The following TUSC3 variants were observed in gnomAD, a reference collection of about 807,000 sequenced individuals.
TUSC3 encodes dolichyl-diphosphooligosaccharide--protein glycosyltransferase subunit TUSC3.
In TUSC3, 45 loss-of-function variants were observed where a neutral mutation model predicts 44.8. The ratio of observed to expected loss-of-function variants is 1.00; its 90% confidence interval spans 0.79 to 1.29. TUSC3 has a LOEUF of 1.29. TUSC3 is among the 50% of genes most tolerant of loss of function. The pLI is 0.00. For missense variants in TUSC3, 519 were observed against 437.9 expected, an observed-to-expected ratio of 1.19 and a Z score of -1.65; for synonymous variants, 212 against 152.9, an observed-to-expected ratio of 1.39 and a Z score of -2.85.
rs77762534 is a variant in TUSC3 at position 15,486,229 on chromosome 8, C to T, written n.189+2746C>T. 8.4e-3 allele frequency among the ~76,000 whole-genome samples: 1,280 copies of T among 152,092 alleles called. 29 individuals are homozygous for T. Among genetic ancestry groups the T allele is most frequent in the African/African-American group, 0.029 (1,212 of 41,478 alleles). ...TGCAGCTATTTGTCAACTGTAAAGC[C>T]GGCTATAATAAGTCTGTACTTTAGG... is the stretch of plus-strand genomic sequence containing the variant. On this transcript the variant is annotated intron_variant and non_coding_transcript_variant, in intron 2 of 5. Coordinates refer to the TUSC3 transcript ENST00000503191.
At chr8:15,484,215 T>A (rs1800706109) in intron 2 of TUSC3, among the ~76,000 whole-genome samples, 1 of 152,220 alleles carries the variant, frequency 6.6e-6, no homozygotes, top group African/African-American at 2.4e-5. Flanking sequence ...TATGCAACCA[T>A]AAATTTGCTA....
the TUSC3 span, among the ~76,000 whole-genome samples, chr8:15,829,163 C>T: frequency 2.6e-5 from 4 of 152,076 alleles, no homozygotes; most frequent in Admixed American, 2.6e-4. Context: ...GGTGTATGTA[C>T]TGCAACTTAT....
intron 2 of TUSC3, among the ~76,000 whole-genome samples, chr8:15,649,793 C>G (rs75156156): frequency 0.025 from 3,857 of 152,200 alleles, 59 homozygotes; most frequent in Non-Finnish European, 0.038. Flanking sequence ...GCTGCTGACT[C>G]TGCTCCAAGT....
the TUSC3 span, among the ~76,000 whole-genome samples, chr8:15,835,458 T>C: frequency 6.6e-6 from 1 of 152,188 alleles, no homozygotes; most frequent in African/African-American, 2.4e-5. Flanking sequence ...TTTATGTTTA[T>C]TTGCTAGTTT....
At chr8:15,651,019 AC>A (rs1806879703) in intron 3 of TUSC3, 4 of 542,974 alleles carry the variant, frequency 7.4e-6, no homozygotes, top group South Asian at 4.0e-5. Context: ...ACACACACAC[AC>A]ACAAATACAA....
chr8:15,608,245 C>T (rs1804616212), intron 1 of TUSC3, among the ~76,000 whole-genome samples: 1 of 151,880 alleles, frequency 6.6e-6, no homozygotes, highest in Admixed American at 6.6e-5. Flanking sequence ...TATATTTTAT[C>T]CTCAAGAGGT....
At chr8:15,529,145 G>A (rs560595991) in intron 2 of TUSC3, among the ~76,000 whole-genome samples, 7 of 152,124 alleles carry the variant, frequency 4.6e-5, no homozygotes, top group East Asian at 3.9e-4. Context: ...TTAAATATCC[G>A]AAGCACAAAC....
At chr8:15,608,960 A>T (rs1295061678) in intron 1 of TUSC3, among the ~76,000 whole-genome samples, 1 of 152,212 alleles carries the variant, frequency 6.6e-6, no homozygotes, top group African/African-American at 2.4e-5. Context: ...TTTGGAAGAA[A>T]CTTGGTAGAA....
chr8:15,718,976 G>C (rs1022546022), intron 6 of TUSC3, among the ~76,000 whole-genome samples: 2 of 151,902 alleles, frequency 1.3e-5, no homozygotes, highest in Admixed American at 6.6e-5. Context: ...TTCAGGATCA[G>C]ATCACTTCTT....
intron 1 of TUSC3, among the ~76,000 whole-genome samples, chr8:15,595,061 T>C (rs1300808552): frequency 2.6e-5 from 4 of 152,156 alleles, no homozygotes; most frequent in Non-Finnish European, 1.5e-5. Flanking sequence ...GAACAGAACT[T>C]GGGCTATTCC....
the TUSC3 span, among the ~76,000 whole-genome samples, chr8:15,843,301 G>A: frequency 6.6e-6 from 1 of 151,978 alleles, no homozygotes; most frequent in Admixed American, 6.6e-5. Context: ...AAAGTTTTTG[G>A]GTCAGATACG....
chr8:15,445,537 T>C (rs1312089718), intron 1 of TUSC3, among the ~76,000 whole-genome samples: 1 of 152,168 alleles, frequency 6.6e-6, no homozygotes, highest in Non-Finnish European at 1.5e-5. Flanking sequence ...GCATGCTGCC[T>C]TCAAGCATCT....
At chr8:15,847,522 G>C in the TUSC3 span, among the ~76,000 whole-genome samples, 1 of 152,058 alleles carries the variant, frequency 6.6e-6, no homozygotes, top group Non-Finnish European at 1.5e-5. Flanking sequence ...ACGCAAATAC[G>C]TTCTACCTAG....
chr8:15,561,493 A>G (rs1202680104), intron 1 of TUSC3: 1 of 146,954 alleles, frequency 6.8e-6, no homozygotes, highest in Non-Finnish European at 1.5e-5. Flanking sequence ...TGGAGCCTAC[A>G]GAGGCAGGCA....
At chr8:15,572,259 G>A (rs555379655) in intron 1 of TUSC3, among the ~76,000 whole-genome samples, 1 of 152,276 alleles carries the variant, frequency 6.6e-6, no homozygotes, top group South Asian at 2.1e-4. Context: ...ATAAACACTT[G>A]CTGCTTCATC....
At chr8:15,503,044 T>C (rs114016798) in intron 2 of TUSC3, among the ~76,000 whole-genome samples, 3,798 of 152,282 alleles carry the variant, frequency 0.025, 169 homozygotes, top group African/African-American at 0.087. Flanking sequence ...GTGAAACCAG[T>C]TACGGGTTTA....
At chr8:15,796,118 G>C in the TUSC3 span, among the ~76,000 whole-genome samples, 4 of 152,174 alleles carry the variant, frequency 2.6e-5, no homozygotes, top group Non-Finnish European at 5.9e-5. Context: ...CTCTGCATCA[G>C]AAATACAGGG....
chr8:15,564,842 A>G (rs1206248604), intron 1 of TUSC3, among the ~76,000 whole-genome samples: 1 of 152,014 alleles, frequency 6.6e-6, no homozygotes, highest in Non-Finnish European at 1.5e-5. Flanking sequence ...TGTTTGCATC[A>G]CAAGCTTCCC....
At chr8:15,849,426 T>G in the TUSC3 span, among the ~76,000 whole-genome samples, 1 of 152,026 alleles carries the variant, frequency 6.6e-6, no homozygotes, top group Non-Finnish European at 1.5e-5. Flanking sequence ...GATCTATCAG[T>G]TTTCAAGCAA....
Sources: allele counts gnomAD v4.1 joint callset (sites outside exome capture counted in the v4.1 genomes callset), GRCh38; gene constraint gnomAD v4.1.1; transcripts MANE v1.5; gene names NCBI Gene and HGNC (gene_info 2026-07-23, HGNC 2026-07-21).